Variants in GPC5 observed in about 807,000 individuals in gnomAD.
The protein encoded by GPC5 is glypican 5.
In GPC5, 47 loss-of-function variants were observed where a neutral mutation model predicts 53.9. The ratio of observed to expected loss-of-function variants is 0.87; its 90% confidence interval spans 0.69 to 1.11. The LOEUF is 1.11. Ranked by LOEUF, GPC5 falls within the 50% of genes most tolerant of loss-of-function variation. GPC5 has a pLI of 0.00. For synonymous variants in GPC5, 286 were observed against 263.3 expected (o/e 1.09, Z -0.84); for missense variants, 748 against 713.1 (o/e 1.05, Z -0.56).
intron 6 of GPC5, among the ~76,000 whole-genome samples, chr13:92,109,367 C>T (rs1201194245): frequency 1.3e-5 from 2 of 152,072 alleles, no homozygotes; most frequent in Admixed American, 6.6e-5. Context: ...GTACATGTCT[C>T]CATCAACACA....
At chr13:91,820,642 A>G (rs1371621216) in intron 5 of GPC5, among the ~76,000 whole-genome samples, 4 of 152,188 alleles carry the variant, frequency 2.6e-5, no homozygotes, top group Non-Finnish European at 5.9e-5. Flanking sequence ...ATAAGTCTGC[A>G]TGTTTAGTTG....
chr13:92,394,266 A>G (rs1875156481), intron 7 of GPC5, among the ~76,000 whole-genome samples: 2 of 152,102 alleles, frequency 1.3e-5, no homozygotes, highest in Admixed American at 6.6e-5. Flanking sequence ...ATCTATACAT[A>G]TTTTGTGTGT....
intron 6 of GPC5, among the ~76,000 whole-genome samples, chr13:91,972,310 A>G (rs1424546787): frequency 6.6e-6 from 1 of 151,504 alleles, no homozygotes; most frequent in African/African-American, 2.4e-5. Context: ...TTTGTTTTCC[A>G]TTTTCTTAGT....
intron 6 of GPC5, among the ~76,000 whole-genome samples, chr13:92,043,460 A>T (rs781092472): frequency 6.6e-6 from 1 of 152,202 alleles, no homozygotes; most frequent in Non-Finnish European, 1.5e-5. Context: ...GTAATGGGCC[A>T]TGGAAATTGG....
At chr13:92,497,720 A>C (rs1880029957) in intron 7 of GPC5, among the ~76,000 whole-genome samples, 1 of 152,014 alleles carries the variant, frequency 6.6e-6, no homozygotes, top group Admixed American at 6.5e-5. Context: ...CATGATATTG[A>C]TTCTTCCTAT....
At chr13:92,172,553 G>T (rs945152648) in intron 7 of GPC5, among the ~76,000 whole-genome samples, 1 of 152,016 alleles carries the variant, frequency 6.6e-6, no homozygotes, top group Non-Finnish European at 1.5e-5. Flanking sequence ...AAGAAGGGAG[G>T]ATATCTCAGT....
At chr13:92,671,282 T>C (rs1886742026) in intron 7 of GPC5, among the ~76,000 whole-genome samples, 1 of 152,164 alleles carries the variant, frequency 6.6e-6, no homozygotes, top group Non-Finnish European at 1.5e-5. Flanking sequence ...TTTATTCTCC[T>C]TTTCTTGTTA....
intron 7 of GPC5, among the ~76,000 whole-genome samples, chr13:92,167,926 G>A (rs1374130715): frequency 6.6e-6 from 1 of 152,020 alleles, no homozygotes; most frequent in Non-Finnish European, 1.5e-5. Context: ...GTAAGTAGAA[G>A]TGACACATCG....
In GPC5 at chr13:92,846,753, C is replaced by T. The variant is rs568841177; in HGVS notation, c.1562-19529C>T. Among the ~76,000 whole-genome samples, 73 of 152,348 alleles carry T rather than the reference C, an allele frequency of 4.8e-4. 1 individual carries two copies. Among genetic ancestry groups the T allele is most frequent in the South Asian group, 3.7e-3 (18 of 4,828 alleles). Reference sequence around the variant, plus strand: ...TGACCAATATTTAGATAACTTCTAACAGCTTTACCTGCACAAGGTGCTTGA... The same window carrying T: ...TGACCAATATTTAGATAACTTCTAATAGCTTTACCTGCACAAGGTGCTTGA... On this transcript the variant is annotated intron_variant, in intron 7 of 7. Coordinates refer to ENST00000377067, the MANE Select transcript of GPC5 (RefSeq NM_004466.6).
At chr13:92,030,183 A>G (rs2040829878) in intron 6 of GPC5, among the ~76,000 whole-genome samples, 1 of 152,208 alleles carries the variant, frequency 6.6e-6, no homozygotes, top group Non-Finnish European at 1.5e-5. Flanking sequence ...CCTCACTAGT[A>G]CTGAAAAAAA....
At chr13:91,634,233 C>G (rs907561907) in intron 2 of GPC5, among the ~76,000 whole-genome samples, 6 of 151,908 alleles carry the variant, frequency 3.9e-5, no homozygotes, top group African/African-American at 1.5e-4. Context: ...GCATAAGACA[C>G]TTCAGTAAAT....
chr13:92,646,966 G>GTA (rs58277984), intron 7 of GPC5, among the ~76,000 whole-genome samples: 40 of 145,966 alleles, frequency 2.7e-4, no homozygotes, highest in African/African-American at 8.2e-4. Context: ...GTGTGTGTGT[G>GTA]TATATAAACC....
chr13:92,454,518 C>A (rs370748725), intron 7 of GPC5, among the ~76,000 whole-genome samples: 1 of 152,166 alleles, frequency 6.6e-6, no homozygotes, highest in Non-Finnish European at 1.5e-5. Flanking sequence ...CACAACTTCA[C>A]ATTAATCCTC....
chr13:91,946,120 TTA>T (rs774225854), intron 6 of GPC5, among the ~76,000 whole-genome samples: 73 of 152,258 alleles, frequency 4.8e-4, no homozygotes, highest in Non-Finnish European at 1.0e-3. Flanking sequence ...TTTATGCTAT[TTA>T]TGTCTGATTT....
At chr13:92,593,202 G>C (rs1487569824) in intron 7 of GPC5, among the ~76,000 whole-genome samples, 1 of 150,486 alleles carries the variant, frequency 6.6e-6, no homozygotes, top group Non-Finnish European at 1.5e-5. Flanking sequence ...ACTGACTGTA[G>C]AGAAAAAAAG....
intron 2 of GPC5, among the ~76,000 whole-genome samples, chr13:91,605,230 T>C (rs1257005446): frequency 2.0e-4 from 28 of 138,810 alleles, no homozygotes; most frequent in Admixed American, 1.6e-3. Flanking sequence ...CCATTGCTTG[T>C]TTTTCTCAGG....
At chr13:92,394,595 T>G (rs1875175185) in intron 7 of GPC5, among the ~76,000 whole-genome samples, 1 of 152,168 alleles carries the variant, frequency 6.6e-6, no homozygotes, top group East Asian at 1.9e-4. Context: ...TTAATTTCTG[T>G]TTTTCATGAA....
chr13:92,053,324 G>T (rs2138841498), intron 6 of GPC5, among the ~76,000 whole-genome samples: 1 of 152,258 alleles, frequency 6.6e-6, no homozygotes, highest in East Asian at 1.9e-4. Flanking sequence ...CGTCAAAGTT[G>T]ACCTCTCTCT....
At chr13:91,960,029 A>C (rs1013056872) in intron 6 of GPC5, among the ~76,000 whole-genome samples, 2 of 149,410 alleles carry the variant, frequency 1.3e-5, no homozygotes, top group Admixed American at 6.6e-5. Context: ...GAACTGGACA[A>C]GACTTTTAAC....
Sources: allele counts gnomAD v4.1 joint callset (sites outside exome capture counted in the v4.1 genomes callset), GRCh38; gene constraint gnomAD v4.1.1; transcripts MANE v1.5; gene names NCBI Gene and HGNC (gene_info 2026-07-23, HGNC 2026-07-21).